Variants in ST14 observed in about 807,000 individuals in gnomAD.
The protein encoded by ST14 is suppressor of tumorigenicity 14 protein.
ST14 carries 40 observed loss-of-function variants against 96.5 expected under a neutral mutation model. That is an observed-to-expected ratio of 0.41 (90% CI 0.32 to 0.54). The LOEUF is 0.54. Among genes scored for constraint, ST14 ranks in the 20% least tolerant of loss-of-function variants. The pLI, the probability that ST14 is intolerant of heterozygous loss-of-function variation, is 0.17. For missense variants in ST14, 1,066 were observed against 1,188.9 expected, an observed-to-expected ratio of 0.90 and a Z score of 1.52; for synonymous variants, 506 against 492.1, an observed-to-expected ratio of 1.03 and a Z score of -0.37.
rs958693316 is a variant in ST14, at chr11:130,205,945, C to T, written c.1995-2465C>T. 3.3e-5 allele frequency among the ~76,000 whole-genome samples: 5 copies of T among 152,200 alleles called. No homozygotes were observed. In the East Asian group the frequency reaches 7.7e-4, roughly 24 times the overall value. ...AACTCCCAACCTTGTGATCCTCTCG[C>T]CTGGGGCTCCCAAAGTGCTAGGATT... On this transcript the variant is annotated intron_variant, in intron 16 of 18. Coordinates refer to ENST00000278742, the MANE Select transcript of ST14 (RefSeq NM_021978.4).
chr11:130,179,740 G>T (rs1294961617), intron 1 of ST14, among the ~76,000 whole-genome samples: 1 of 152,204 alleles, frequency 6.6e-6, no homozygotes, highest in African/African-American at 2.4e-5. Context: ...TCTCAGCTCA[G>T]CATTGCCCAG....
At chr11:130,190,781 T>TTATG (rs1953289679) in intron 7 of ST14, 87 bp downstream of exon 7, 4 of 1,453,454 alleles carry the variant, frequency 2.8e-6, no homozygotes, top group Non-Finnish European at 3.7e-6. Context: ...GGGATACAGT[T>TTATG]TATGACTCTT....
chr11:130,208,073 CAATAAATAAATA>C (rs35033213), intron 16 of ST14, among the ~76,000 whole-genome samples: 1 of 151,690 alleles, frequency 6.6e-6, no homozygotes, highest in Non-Finnish European at 1.5e-5. Flanking sequence ...GACTCAGTCT[CAATAAATAAATA>C]AATAAATAAA....
intron 7 of ST14, 21 bp downstream of exon 7, chr11:130,190,715 G>A (rs1443492972): frequency 6.4e-7 from 1 of 1,555,446 alleles, no homozygotes; most frequent in Middle Eastern, 1.8e-4. Context: ...CGGGGGGCGG[G>A]TAGGGCTGTG....
intron 1 of ST14, 59 bp downstream of exon 1, chr11:130,160,119 C>T: frequency 5.7e-6 from 7 of 1,222,378 alleles, no homozygotes; most frequent in Non-Finnish European, 7.5e-6. Flanking sequence ...GACCCTGCAG[C>T]GCGGCGCTGG....
At chr11:130,176,883 C>T (rs1953143578) in intron 1 of ST14, among the ~76,000 whole-genome samples, 1 of 143,302 alleles carries the variant, frequency 7.0e-6, no homozygotes, top group African/African-American at 2.6e-5. Flanking sequence ...ACTGCAACCT[C>T]TGCCTCCTGG....
intron 1 of ST14, among the ~76,000 whole-genome samples, chr11:130,166,929 G>A (rs1214824616): frequency 2.0e-5 from 3 of 152,208 alleles, no homozygotes; most frequent in Non-Finnish European, 4.4e-5. Flanking sequence ...TTAAAAATGA[G>A]GCCGGGTGCG....
chr11:130,208,420 C>T lies in ST14; in HGVS notation c.2005C>T (p.Pro669Ser). The T allele has an allele frequency of 1.2e-6, 2 of 1,614,080 alleles. No homozygotes were observed. The highest frequency in any genetic ancestry group is 1.7e-5 in the Admixed American group (1 of 60,030). ...GGCTCTCCCTACCAGGTACTCAGAC[C>T]CCACGCAGTGGACGGCCTTCCTGGG... is the stretch of plus-strand genomic sequence containing the variant. The part of the protein sequence containing the change: ...IDDRGFRYSD[P>S]TQWTAFLGLH... Residue 669 changes from proline (P) to serine (S), a missense_variant, in exon 17 of 19, where the codon CCC (proline) becomes TCC (serine). Coordinates refer to ENST00000278742, the MANE Select transcript of ST14 (RefSeq NM_021978.4).
intron 1 of ST14, among the ~76,000 whole-genome samples, chr11:130,168,415 C>CT (rs2136202346): frequency 6.6e-6 from 1 of 152,276 alleles, no homozygotes; most frequent in South Asian, 2.1e-4. Context: ...GAGGTGCAGA[C>CT]TGAGAGAGCA....
At chr11:130,202,113 G>A (rs1261890560) in intron 16 of ST14, among the ~76,000 whole-genome samples, 2 of 152,152 alleles carry the variant, frequency 1.3e-5, no homozygotes, top group African/African-American at 4.8e-5. Flanking sequence ...TCATGTCCAG[G>A]CCCAGTTAGC....
intron 16 of ST14, among the ~76,000 whole-genome samples, chr11:130,200,566 ACCT>A (rs1438011389): frequency 6.6e-6 from 1 of 151,920 alleles, no homozygotes; most frequent in Non-Finnish European, 1.5e-5. Flanking sequence ...TGACCAAAAC[ACCT>A]CCTACCACGC....
intron 16 of ST14, among the ~76,000 whole-genome samples, chr11:130,202,983 C>T (rs1475330810): frequency 6.6e-6 from 1 of 152,190 alleles, no homozygotes; most frequent in Non-Finnish European, 1.5e-5. Flanking sequence ...GCTGCATCTT[C>T]ACAATCAGTC....
At chr11:130,193,801 A>G (rs991574384) in intron 7 of ST14, among the ~76,000 whole-genome samples, 2 of 152,224 alleles carry the variant, frequency 1.3e-5, no homozygotes, top group Admixed American at 6.5e-5. Context: ...ACAAAGGTGA[A>G]CTGTTTATCA....
chr11:130,199,276 G>A (rs1407487989), intron 15 of ST14, among the ~76,000 whole-genome samples: 2 of 152,224 alleles, frequency 1.3e-5, no homozygotes, highest in African/African-American at 2.4e-5. Context: ...TTGGAGAAAG[G>A]CCCGTACGGC....
At chr11:130,194,832 ATGTGTTTGCATATGTGTGCATGTGTGTG>A in intron 9 of ST14, 95 bp downstream of exon 9, 1 of 1,259,484 alleles carries the variant, frequency 7.9e-7, no homozygotes, top group Non-Finnish European at 1.1e-6. Context: ...ATGTGTGTGC[ATGTGTTTGCATATGTGTGCATGTGTGTG>A]TGTGTGTGTG....
chr11:130,165,874 C>T (rs911297527), intron 1 of ST14, among the ~76,000 whole-genome samples: 5 of 152,198 alleles, frequency 3.3e-5, no homozygotes, highest in Admixed American at 6.5e-5. Context: ...CTCAGATCTA[C>T]GCAACTTCAG....
rs760652462 is a variant in ST14 at position 130,195,851 on chromosome 11, TCAAAA to T, written c.1114-487_1114-483del. ...CTGGGTGACAGAGTGAGACTTTGTC[TCAAAA>T]AAAAAAAAAAAGAAAAGAGGCTGGG... On this transcript the variant is annotated intron_variant, in intron 9 of 18. Transcript: ENST00000278742. Among the ~76,000 whole-genome samples the T allele has an allele frequency of 6.7e-4, 95 of 142,754 alleles. 2 individuals are homozygous for T. The highest frequency in any genetic ancestry group is 9.1e-5 in the Non-Finnish European group (6 of 66,218). The allele number at this position is 142,754 out of a possible 152,430, so 93.7% of individuals were successfully genotyped here.
chr11:130,205,505 C>T (rs1953475846), intron 16 of ST14, among the ~76,000 whole-genome samples: 1 of 152,092 alleles, frequency 6.6e-6, no homozygotes, highest in Admixed American at 6.6e-5. Context: ...CTGTTTGCAC[C>T]CGCATGTATT....
intron 1 of ST14, among the ~76,000 whole-genome samples, chr11:130,169,108 T>TTC (rs1953066083): frequency 1.1e-4 from 16 of 145,214 alleles, no homozygotes; most frequent in Admixed American, 1.1e-3. Context: ...TTTTTTTTTT[T>TTC]TTTTTTGAGA....
Sources: gnomAD v4.1 joint callset for allele counts (sites outside exome capture counted in the v4.1 genomes callset) on GRCh38, gnomAD v4.1.1 for gene constraint, MANE v1.5 for transcripts, NCBI Gene and HGNC (gene_info 2026-07-23, HGNC 2026-07-21) for gene names.